Variants in IL1RAPL1 observed in about 807,000 individuals in gnomAD.
IL1RAPL1 encodes interleukin-1 receptor accessory protein-like 1.
A neutral mutation model predicts 48.4 loss-of-function variants in IL1RAPL1; 3 were observed. That is an observed-to-expected ratio of 0.06 (90% CI 0.03 to 0.16). The LOEUF (loss-of-function observed/expected upper bound fraction) is 0.16. Ranked by LOEUF, IL1RAPL1 falls within the 10% of genes least tolerant of loss-of-function variation. IL1RAPL1 has a pLI of 1.00. For missense variants in IL1RAPL1, 349 were observed against 530.6 expected (o/e 0.66, Z 3.36); for synonymous variants, 185 against 187.7 (o/e 0.99, Z 0.12).
intron 1 of IL1RAPL1, among the ~76,000 whole-genome samples, chrX:28,628,939 C>G (rs1934370741): frequency 8.9e-6 from 1 of 112,116 alleles, no homozygotes. Context: ...TATTCTCTAA[C>G]TCATTAAAAC....
chrX:28,747,361 C>T (rs1345935757), intron 1 of IL1RAPL1, among the ~76,000 whole-genome samples: 1 of 111,720 alleles, frequency 9.0e-6, no homozygotes, highest in Non-Finnish European at 1.9e-5. Context: ...AGGGGCCGGG[C>T]GCAGTGGCTC....
chrX:28,991,434 T>C (rs1925601278), intron 2 of IL1RAPL1, among the ~76,000 whole-genome samples: 1 of 111,580 alleles, frequency 9.0e-6, no homozygotes, highest in Admixed American at 9.5e-5. Context: ...CATCTGACCT[T>C]ATATTTTATA....
intron 2 of IL1RAPL1, among the ~76,000 whole-genome samples, chrX:29,029,910 T>G (rs906772565): frequency 1.8e-5 from 2 of 110,699 alleles, no homozygotes; most frequent in Admixed American, 1.9e-4. Context: ...GAGTTCATTT[T>G]CATGAATGGT....
chrX:28,983,203 G>T (rs939779704), intron 2 of IL1RAPL1, among the ~76,000 whole-genome samples: 26 of 111,424 alleles, frequency 2.3e-4, no homozygotes, highest in African/African-American at 8.5e-4. Flanking sequence ...GAGAGCCAAG[G>T]TGGCTCCCAG....
chrX:29,082,827 C>T (rs936378314), intron 2 of IL1RAPL1, among the ~76,000 whole-genome samples: 1 of 112,081 alleles, frequency 8.9e-6, no homozygotes, highest in Non-Finnish European at 1.9e-5. Context: ...GATGATGTTT[C>T]TGCATAGTTA....
intron 1 of IL1RAPL1, among the ~76,000 whole-genome samples, chrX:28,665,694 T>C (rs1934868741): frequency 9.0e-6 from 1 of 111,192 alleles, no homozygotes; most frequent in Non-Finnish European, 1.9e-5. Flanking sequence ...TTTCACCATG[T>C]TGGCCAGGCT....
At chrX:29,951,331 AATC>A (rs1933317148) in intron 9 of IL1RAPL1, among the ~76,000 whole-genome samples, 1 of 112,097 alleles carries the variant, frequency 8.9e-6, no homozygotes, top group African/African-American at 3.2e-5. Context: ...ACATGGGAAA[AATC>A]ATCACTTCCA....
At chrX:29,700,958 G>C (rs748698901) in intron 6 of IL1RAPL1, among the ~76,000 whole-genome samples, 56 of 111,831 alleles carry the variant, frequency 5.0e-4, no homozygotes, top group Non-Finnish European at 8.7e-4. Flanking sequence ...ATTGTATTTG[G>C]ATATAGTAAT....
chrX:28,852,837 G>A (rs968669831), intron 2 of IL1RAPL1, among the ~76,000 whole-genome samples: 1 of 109,162 alleles, frequency 9.2e-6, no homozygotes. Flanking sequence ...GATATTTGCT[G>A]TATGATTTGG....
At chrX:29,419,647 C>T (rs1602226543) in intron 5 of IL1RAPL1, among the ~76,000 whole-genome samples, 1 of 112,100 alleles carries the variant, frequency 8.9e-6, no homozygotes. Flanking sequence ...AAAATGTGTG[C>T]TTTTTTTGTT....
chrX:29,327,234 A>G (rs1318144246), intron 3 of IL1RAPL1, among the ~76,000 whole-genome samples: 1 of 111,500 alleles, frequency 9.0e-6, no homozygotes, highest in East Asian at 2.8e-4. Flanking sequence ...TCATGAAATG[A>G]AAAAGACAAA....
chrX:28,724,511 C>G (rs1427198626), intron 1 of IL1RAPL1, among the ~76,000 whole-genome samples: 1 of 111,099 alleles, frequency 9.0e-6, no homozygotes, highest in Non-Finnish European at 1.9e-5. Flanking sequence ...GATGGGTCTC[C>G]TGAATACAGC....
intron 5 of IL1RAPL1, among the ~76,000 whole-genome samples, chrX:29,580,160 G>C (rs1388486695): frequency 9.8e-6 from 1 of 101,995 alleles, no homozygotes; most frequent in East Asian, 3.0e-4. Flanking sequence ...TCACTTTGAC[G>C]TGCATTACGT....
At chrX:29,568,111 A>C (rs994866235) in intron 5 of IL1RAPL1, among the ~76,000 whole-genome samples, 2 of 106,775 alleles carry the variant, frequency 1.9e-5, no homozygotes, top group Non-Finnish European at 3.9e-5. Context: ...CCGACCCACT[A>C]AGCTTATTTA....
chrX:28,929,987 G>A (rs759889657), intron 2 of IL1RAPL1, among the ~76,000 whole-genome samples: 3 of 112,069 alleles, frequency 2.7e-5, no homozygotes, highest in African/African-American at 9.7e-5. Flanking sequence ...TTGTATTCTT[G>A]GTAAGATCTC....
intron 3 of IL1RAPL1, among the ~76,000 whole-genome samples, chrX:29,334,572 A>G (rs1932950707): frequency 9.3e-6 from 1 of 108,042 alleles, no homozygotes; most frequent in Non-Finnish European, 1.9e-5. Context: ...GGCGGTTGCC[A>G]GGCAGAGGGT....
chrX:29,094,596 TA>T (rs774154497), intron 2 of IL1RAPL1, among the ~76,000 whole-genome samples: 24 of 68,107 alleles, frequency 3.5e-4, no homozygotes, highest in East Asian at 1.4e-3. Context: ...TATCTCTACT[TA>T]AAAAAAAAAA....
At chrX:29,643,119 G>A (rs1925216284) in intron 5 of IL1RAPL1, among the ~76,000 whole-genome samples, 1 of 112,252 alleles carries the variant, frequency 8.9e-6, no homozygotes. Flanking sequence ...GATATTAGCT[G>A]GCTGATGCTA....
intron 6 of IL1RAPL1, among the ~76,000 whole-genome samples, chrX:29,676,163 A>G (rs1926280729): frequency 8.9e-6 from 1 of 111,868 alleles, no homozygotes; most frequent in Non-Finnish European, 1.9e-5. Context: ...TCAATAAAAA[A>G]GGTACCAAGA....
Sources: allele counts gnomAD v4.1 joint callset (sites outside exome capture counted in the v4.1 genomes callset), GRCh38; gene constraint gnomAD v4.1.1; transcripts MANE v1.5; gene names NCBI Gene and HGNC (gene_info 2026-07-23, HGNC 2026-07-21).